The following KCNH7 variants were observed in gnomAD, a reference collection of about 807,000 sequenced individuals.
KCNH7 encodes the protein potassium voltage-gated channel subfamily H member 7, also known as voltage-gated inwardly rectifying potassium channel KCNH7.
A neutral mutation model predicts 120.8 loss-of-function variants in KCNH7; 49 were observed. That is an observed-to-expected ratio of 0.41 (90% confidence interval 0.32 to 0.51). KCNH7 has a LOEUF of 0.51. KCNH7 is among the 20% of genes least tolerant of loss of function. The pLI, the probability that KCNH7 is intolerant of heterozygous loss-of-function variation, is 0.38. For synonymous variants in KCNH7, 547 were observed against 516.1 expected, an observed-to-expected ratio of 1.06 and a Z score of -0.81; for missense variants, 1,097 against 1,446.6, an observed-to-expected ratio of 0.76 and a Z score of 3.92.
intron 2 of KCNH7, among the ~76,000 whole-genome samples, chr2:162,541,384 A>G (rs1163580260): frequency 1.3e-5 from 2 of 152,070 alleles, no homozygotes; most frequent in Non-Finnish European, 1.5e-5. Flanking sequence ...GCAGATGGTG[A>G]GGTAGAAAGA....
intron 2 of KCNH7, among the ~76,000 whole-genome samples, chr2:162,753,982 A>G (rs1035909145): frequency 1.1e-4 from 17 of 151,976 alleles, no homozygotes; most frequent in African/African-American, 4.1e-4. Context: ...TTTAATATTT[A>G]CAATAATGTA....
At chr2:162,818,228 T>G (rs1387434610) in intron 2 of KCNH7, among the ~76,000 whole-genome samples, 1 of 152,038 alleles carries the variant, frequency 6.6e-6, no homozygotes, top group African/African-American at 2.4e-5. Context: ...TCTCAAAAAT[T>G]TATAATTTTA....
At chr2:162,383,468 G>T (rs774543896) in intron 13 of KCNH7, among the ~76,000 whole-genome samples, 2 of 151,790 alleles carry the variant, frequency 1.3e-5, no homozygotes, top group Non-Finnish European at 2.9e-5. Flanking sequence ...TCAATGTGGG[G>T]TCATGAAAAA....
chr2:162,524,543 A>G (rs1373537778), intron 3 of KCNH7, among the ~76,000 whole-genome samples: 1 of 151,994 alleles, frequency 6.6e-6, no homozygotes, highest in Non-Finnish European at 1.5e-5. Flanking sequence ...TTAAGCCTAC[A>G]ATCAGCTATT....
intron 9 of KCNH7, among the ~76,000 whole-genome samples, chr2:162,407,224 C>T (rs776426781): frequency 6.6e-6 from 1 of 151,922 alleles, no homozygotes; most frequent in African/African-American, 2.4e-5. Context: ...TGATTTATAT[C>T]CCTTAGGGAA....
intron 2 of KCNH7, among the ~76,000 whole-genome samples, chr2:162,626,566 A>G (rs1396611088): frequency 6.6e-6 from 1 of 152,146 alleles, no homozygotes; most frequent in African/African-American, 2.4e-5. Flanking sequence ...AATTTTTAAA[A>G]AGTTTGATGA....
intron 2 of KCNH7, among the ~76,000 whole-genome samples, chr2:162,794,353 G>A (rs922267396): frequency 2.6e-5 from 4 of 151,998 alleles, no homozygotes; most frequent in Non-Finnish European, 4.4e-5. Flanking sequence ...TGATAACTGA[G>A]CATGCAATCT....
At chr2:162,729,261 G>A (rs528096091) in intron 2 of KCNH7, among the ~76,000 whole-genome samples, 1 of 150,828 alleles carries the variant, frequency 6.6e-6, no homozygotes, top group East Asian at 2.0e-4. Context: ...CACCTCCCGG[G>A]TTCCCGCCAT....
chr2:162,670,152 G>A (rs149971087), intron 2 of KCNH7, among the ~76,000 whole-genome samples: 1 of 151,532 alleles, frequency 6.6e-6, no homozygotes, highest in South Asian at 2.1e-4. Flanking sequence ...TGTTTGAAAT[G>A]CAAATGCAAG....
intron 2 of KCNH7, 136 bp downstream of exon 2, chr2:162,836,401 T>C (rs529826663): frequency 1.0e-5 from 7 of 671,634 alleles, no homozygotes; most frequent in Non-Finnish European, 1.8e-5. Context: ...CCATATATGT[T>C]GGATCCCAAA....
chr2:162,418,948 A>G (rs754625795), intron 9 of KCNH7, among the ~76,000 whole-genome samples: 1 of 151,620 alleles, frequency 6.6e-6, no homozygotes, highest in Non-Finnish European at 1.5e-5. Flanking sequence ...AGATTTTTTT[A>G]GCTTATTAAG....
chr2:162,654,566 A>C (rs1301579611), intron 2 of KCNH7, among the ~76,000 whole-genome samples: 1 of 152,178 alleles, frequency 6.6e-6, no homozygotes, highest in Non-Finnish European at 1.5e-5. Context: ...GATTGGTACA[A>C]CCATTATAAA....
chr2:162,724,454 C>T (rs914278308), intron 2 of KCNH7, among the ~76,000 whole-genome samples: 7 of 151,814 alleles, frequency 4.6e-5, no homozygotes, highest in African/African-American at 1.7e-4. Flanking sequence ...GGGCGGATCA[C>T]GAGGTCAGGA....
At chr2:162,494,826 T>A (rs1690440702) in intron 6 of KCNH7, among the ~76,000 whole-genome samples, 1 of 152,142 alleles carries the variant, frequency 6.6e-6, no homozygotes, top group Non-Finnish European at 1.5e-5. Context: ...ATGGGACTCA[T>A]AAAGAGCTGA....
chr2:162,821,305 C>T (rs1230919438), intron 2 of KCNH7, among the ~76,000 whole-genome samples: 1 of 152,202 alleles, frequency 6.6e-6, no homozygotes, highest in Non-Finnish European at 1.5e-5. Flanking sequence ...AAGGTTAATT[C>T]TCTTTACTAA....
chr2:162,406,706 T>G, intron 9 of KCNH7, among the ~76,000 whole-genome samples: 1 of 152,012 alleles, frequency 6.6e-6, no homozygotes, highest in East Asian at 1.9e-4. Flanking sequence ...TAGCCTTTCC[T>G]GATTCTGGTA....
intron 13 of KCNH7, among the ~76,000 whole-genome samples, chr2:162,381,306 A>G (rs1686410998): frequency 6.6e-6 from 1 of 152,154 alleles, no homozygotes. Flanking sequence ...ATTTTAAAAA[A>G]TTGGATAGAA....
intron 2 of KCNH7, among the ~76,000 whole-genome samples, chr2:162,676,896 T>C (rs1051237843): frequency 1.3e-5 from 2 of 151,444 alleles, no homozygotes; most frequent in Admixed American, 1.3e-4. Flanking sequence ...CTCATATCTA[T>C]GAGTTTACAA....
intron 2 of KCNH7, among the ~76,000 whole-genome samples, chr2:162,626,587 C>T (rs933632522): frequency 6.6e-6 from 1 of 152,060 alleles, no homozygotes; most frequent in Non-Finnish European, 1.5e-5. Flanking sequence ...GTATTGGACG[C>T]TGTAACAAAA....
Sources: allele counts gnomAD v4.1 joint callset (sites outside exome capture counted in the v4.1 genomes callset), GRCh38; gene constraint gnomAD v4.1.1; transcripts MANE v1.5; gene names NCBI Gene and HGNC (gene_info 2026-07-23, HGNC 2026-07-21).